TAB2: variants seen among roughly 807,000 people sequenced by gnomAD.
The protein encoded by TAB2 is TGF-beta-activated kinase 1 and MAP3K7-binding protein 2.
A neutral mutation model predicts 65.0 loss-of-function variants in TAB2; 3 were observed. The observed-to-expected ratio is 0.05, with a 90% CI of 0.02 to 0.12. TAB2 has a LOEUF of 0.12. Ranked by LOEUF, TAB2 falls within the 10% of genes least tolerant of loss-of-function variation. TAB2 has a pLI of 1.00. For missense variants in TAB2, 623 were observed against 840.3 expected (o/e 0.74, Z 3.20); for synonymous variants, 298 against 285.1 (o/e 1.05, Z -0.46).
intron 1 of TAB2, among the ~76,000 whole-genome samples, chr6:149,299,733 C>T (rs1778938156): frequency 6.6e-6 from 1 of 152,012 alleles, no homozygotes; most frequent in Non-Finnish European, 1.5e-5. Context: ...TTTACTACAC[C>T]AGGGGCAGGG....
In TAB2 at chr6:149,410,185, A is replaced by G; in HGVS notation, c.*466A>G. ...GAACCATTTGCTGCCGCATAGTGCCATTGGATAGGGAAGAACTTCAGAAAT... is the reference window on the plus strand; with the variant it reads ...GAACCATTTGCTGCCGCATAGTGCCGTTGGATAGGGAAGAACTTCAGAAAT... On this transcript the variant is annotated 3_prime_UTR_variant, in exon 7 of 7. Coordinates refer to ENST00000637181, the MANE Select transcript of TAB2 (RefSeq NM_001292034.3). The G allele has an allele frequency of 5.4e-6, 1 of 185,030 alleles. No homozygotes were observed. Among genetic ancestry groups the G allele is most frequent in the East Asian group, 1.4e-4 (1 of 6,998 alleles). The allele number at this position is 185,030 out of a possible 1,614,324, so 11.5% of individuals were successfully genotyped here.
chr6:149,375,996 A>T (rs1292225780), intron 2 of TAB2, among the ~76,000 whole-genome samples: 1 of 152,114 alleles, frequency 6.6e-6, no homozygotes. Flanking sequence ...CTTTCTTAAT[A>T]TGATTTTTAT....
chr6:149,366,662 G>A (rs977398879), intron 1 of TAB2, among the ~76,000 whole-genome samples: 22 of 151,956 alleles, frequency 1.4e-4, no homozygotes, highest in African/African-American at 5.1e-4. Context: ...CCTTCAGGTA[G>A]TTTTTTATGC....
intron 1 of TAB2, among the ~76,000 whole-genome samples, chr6:149,252,124 A>G (rs1777874348): frequency 6.6e-6 from 1 of 152,150 alleles, no homozygotes. Context: ...TTAAGAGGGC[A>G]GGCCGGGTGC....
In TAB2 at chr6:149,394,580, T is replaced by A. The variant is rs756652795; in HGVS notation, c.1604-3024T>A. Among the ~76,000 whole-genome samples, 4 of 152,166 alleles carry A rather than the reference T, an allele frequency of 2.6e-5. No individual in the cohort carries two copies. In the South Asian group the frequency reaches 8.3e-4, roughly 32 times the overall value. The stretch of plus-strand genomic sequence containing the variant: ...TGCACCCAGAAATGAGGACATCTCT[T>A]TTTCTTTCAGGTTATTATTATGAGG... On this transcript the variant is annotated intron_variant, in intron 3 of 6. Coordinates refer to ENST00000637181, the MANE Select transcript of TAB2 (RefSeq NM_001292034.3).
At chr6:149,271,339 G>A (rs887611912) in intron 1 of TAB2, among the ~76,000 whole-genome samples, 1 of 152,148 alleles carries the variant, frequency 6.6e-6, no homozygotes, top group Non-Finnish European at 1.5e-5. Flanking sequence ...TTTCATTGGT[G>A]TGCTAGTACA....
At chr6:149,345,316 A>C (rs1402932452) in intron 1 of TAB2, among the ~76,000 whole-genome samples, 1 of 152,176 alleles carries the variant, frequency 6.6e-6, no homozygotes, top group African/African-American at 2.4e-5. Flanking sequence ...AAGTAACTGT[A>C]AATCTCATCT....
intron 6 of TAB2, chr6:149,401,394 T>TAAAAG (rs1251168407): frequency 6.3e-6 from 1 of 157,490 alleles, no homozygotes; most frequent in African/African-American, 2.4e-5. Flanking sequence ...AAATGGTAGC[T>TAAAAG]AAAAGAAATC....
At chr6:149,273,815 C>T (rs1778406052) in intron 1 of TAB2, among the ~76,000 whole-genome samples, 1 of 152,158 alleles carries the variant, frequency 6.6e-6, no homozygotes, top group African/African-American at 2.4e-5. Flanking sequence ...GTTCAATGTC[C>T]TTTCTGCCAG....
At chr6:149,398,973 G>T in intron 5 of TAB2, 131 bp from the exon 6 acceptor site, 1 of 758,638 alleles carries the variant, frequency 1.3e-6, no homozygotes. Context: ...TATAATTCGA[G>T]GTTAGAGGGG....
At position 149,360,253 on chromosome 6, in the gene TAB2, C is replaced by T. The variant is rs181780902; in HGVS notation, c.-89-9656C>T. Among the ~76,000 whole-genome samples the T allele has an allele frequency of 6.6e-5, 10 of 151,970 alleles. No individual in the cohort carries two copies. In the East Asian group the frequency reaches 1.9e-3, roughly 29 times the overall value. ...GTTCTTGCATTGCTATAAAGAAGTA[C>T]CCAAGACTGGGTAATTTAGAAAGAA... On this transcript the variant is annotated intron_variant, in intron 1 of 6. Coordinates refer to ENST00000637181, the MANE Select transcript of TAB2 (RefSeq NM_001292034.3).
chr6:149,278,778 A>G (rs892857513), intron 1 of TAB2, among the ~76,000 whole-genome samples: 1 of 152,076 alleles, frequency 6.6e-6, no homozygotes, highest in Non-Finnish European at 1.5e-5. Flanking sequence ...GAATAAATAA[A>G]TGAAAGAATG....
intron 1 of TAB2, among the ~76,000 whole-genome samples, chr6:149,308,674 A>G (rs1779113024): frequency 6.6e-5 from 10 of 151,964 alleles, no homozygotes; most frequent in Admixed American, 6.6e-4. Context: ...GATTACAGGC[A>G]TGTGCCACCA....
intron 1 of TAB2, among the ~76,000 whole-genome samples, chr6:149,344,142 A>C (rs531924725): frequency 6.6e-6 from 1 of 152,336 alleles, no homozygotes; most frequent in African/African-American, 2.4e-5. Flanking sequence ...GTTGAATTAG[A>C]GCTGGAAAGG....
At chr6:149,289,662 T>G (rs549478391) in intron 1 of TAB2, among the ~76,000 whole-genome samples, 1 of 152,302 alleles carries the variant, frequency 6.6e-6, no homozygotes, top group African/African-American at 2.4e-5. Context: ...CTGCTGTTGA[T>G]GAAAAAAGTC....
chr6:149,244,815 T>A (rs1583042001), intron 1 of TAB2: 2 of 149,844 alleles, frequency 1.3e-5, no homozygotes, highest in African/African-American at 2.5e-5. Flanking sequence ...ACCAGGGAGG[T>A]GGAGGTTGTA....
At chr6:149,393,654 G>T (rs2744427) in intron 3 of TAB2, among the ~76,000 whole-genome samples, 18,491 of 152,184 alleles carry the variant, frequency 0.12, 1,728 homozygotes, top group East Asian at 0.51. Flanking sequence ...TGGGATTGGG[G>T]ATTGCTGGTG....
At position 149,359,769 on chromosome 6, in the gene TAB2, A is replaced by T. The variant is rs184162883; in HGVS notation, c.-89-10140A>T. 7.2e-5 allele frequency among the ~76,000 whole-genome samples: 11 copies of T among 152,178 alleles called. No individual in the cohort carries two copies. The East Asian group carries it at 2.1e-3, about 29-fold the overall frequency. The stretch of plus-strand genomic sequence containing the variant: ...CTGTCTTTGTTTCTGGCACCAGGGA[A>T]TTTTTTTCTTGCAAGCTCTGCTGTT... On this transcript the variant is annotated intron_variant, in intron 1 of 6. Coordinates refer to ENST00000637181, the MANE Select transcript of TAB2 (RefSeq NM_001292034.3).
Position 149,296,655 on chromosome 6 carries a change from G to T in TAB2, c.-121+77879G>T, listed in dbSNP as rs576161594. Among the ~76,000 whole-genome samples, 5 of 152,240 alleles carry T rather than the reference G, an allele frequency of 3.3e-5. No homozygotes were observed. The South Asian group carries it at 1.0e-3, about 32-fold the overall frequency. On this transcript the variant is annotated intron_variant, in intron 1 of 1. Transcript: ENST00000606202. ...CATAAGTTATTATTAAAGAAAATGG[G>T]TGTTAGTTCAGAGGAAAGGAGAACC...
Sources: allele counts gnomAD v4.1 joint callset (sites outside exome capture counted in the v4.1 genomes callset), GRCh38; gene constraint gnomAD v4.1.1; transcripts MANE v1.5; gene names NCBI Gene and HGNC (gene_info 2026-07-23, HGNC 2026-07-21).